ZNF568: variants seen among roughly 807,000 people sequenced by gnomAD.
ZNF568 encodes the protein zinc finger protein 568, also known as p53 inhibitor of SCO2 activation.
A neutral mutation model predicts 18.1 loss-of-function variants in ZNF568; 11 were observed. That is an observed-to-expected ratio of 0.61 (90% confidence interval 0.38 to 1.00). The LOEUF is 1.00. Among genes scored for constraint, ZNF568 ranks in the 50% least tolerant of loss-of-function variants. ZNF568 has a pLI of 0.01. For missense variants in ZNF568, 639 were observed against 768.2 expected (o/e 0.83, Z 1.99); for synonymous variants, 213 against 246.6 (o/e 0.86, Z 1.28).
At chr19:36,932,260 C>T (rs1373745825) in intron 4 of ZNF568, among the ~76,000 whole-genome samples, 1 of 152,160 alleles carries the variant, frequency 6.6e-6, no homozygotes, top group Non-Finnish European at 1.5e-5. Flanking sequence ...ATTGCTAGAT[C>T]ATATGGCAAC....
At chr19:36,991,168 G>T in intron 2 of ZNF568, 2 of 1,524,786 alleles carry the variant, frequency 1.3e-6, no homozygotes, top group East Asian at 2.5e-5. Flanking sequence ...ATTTATTTTT[G>T]GTTTCAGGGC....
At chr19:36,925,033 G>A (rs772453040) in intron 3 of ZNF568, among the ~76,000 whole-genome samples, 167 bp from the exon 4 acceptor site, 4 of 151,990 alleles carry the variant, frequency 2.6e-5, no homozygotes, top group Non-Finnish European at 4.4e-5. Context: ...GATTAAATTA[G>A]CCATCTGTGT....
chr19:36,976,984 T>A lies in ZNF568; in HGVS notation c.406-2020T>A, dbSNP rs1192503796. On this transcript the variant is annotated intron_variant, in intron 7 of 7. Coordinates refer to the ZNF568 transcript ENST00000427117. ...CTTCCTTTGCCCACTTGTCAAAGAA[T>A]GCTATTTTTTAATTTATTTTAAACA... Among the ~76,000 whole-genome samples the A allele has an allele frequency of 3.9e-5, 6 of 152,232 alleles. No homozygotes were observed. The East Asian group carries it at 7.7e-4, about 20-fold the overall frequency.
At chr19:36,983,409 C>T (rs183537523), downstream of ZNF568, among the ~76,000 whole-genome samples, 1 of 152,334 alleles carries the variant, frequency 6.6e-6, no homozygotes, top group Non-Finnish European at 1.5e-5. Context: ...TTACTACCCG[C>T]ATCCTCCCCC....
At chr19:36,927,128 T>C (rs1186055834) in intron 4 of ZNF568, among the ~76,000 whole-genome samples, 1 of 152,228 alleles carries the variant, frequency 6.6e-6, no homozygotes, top group Non-Finnish European at 1.5e-5. Context: ...TTATTTATTT[T>C]TTGTTGTATA....
chr19:36,958,612 C>CTTT (rs2074124582), intron 6 of ZNF568, among the ~76,000 whole-genome samples: 1 of 84,500 alleles, frequency 1.2e-5, no homozygotes, highest in Non-Finnish European at 2.5e-5. Context: ...TTTTCTTTTT[C>CTTT]TTTCTTTTTT....
downstream of ZNF568, among the ~76,000 whole-genome samples, chr19:36,955,935 G>T: frequency 6.6e-6 from 1 of 152,142 alleles, no homozygotes; most frequent in Non-Finnish European, 1.5e-5. Context: ...TAGAGTAAAG[G>T]TTGGGGATGG....
chr19:36,943,828 C>G (rs1489372397), intron 6 of ZNF568, among the ~76,000 whole-genome samples: 1 of 152,050 alleles, frequency 6.6e-6, no homozygotes, highest in Non-Finnish European at 1.5e-5. Flanking sequence ...CCGCTTTGGC[C>G]TCACAAAGTG....
At chr19:36,991,811 T>C (rs747660581) in exon 4 of ZNF568, 68 of 1,580,572 alleles carry the variant, frequency 4.3e-5, no homozygotes, top group Non-Finnish European at 5.7e-5. Context: ...GAGCCCTGGA[T>C]GGTTAAGAGG....
intron 4 of ZNF568, among the ~76,000 whole-genome samples, chr19:36,933,314 CATTT>C (rs2073720299): frequency 6.6e-6 from 1 of 152,032 alleles, no homozygotes; most frequent in East Asian, 1.9e-4. Context: ...TTTTTATCAC[CATTT>C]ATTATGATGT....
At chr19:36,956,924 C>CATTGAATCATTTTGATTCATG (rs1437927900), downstream of ZNF568, among the ~76,000 whole-genome samples, 1 of 152,046 alleles carries the variant, frequency 6.6e-6, no homozygotes, top group Non-Finnish European at 1.5e-5. Flanking sequence ...TCATTTGAAA[C>CATTGAATCATTTTGATTCATG]TAATAAACTC....
intron 3 of ZNF568, chr19:36,991,714 C>G: frequency 6.7e-7 from 1 of 1,493,906 alleles, no homozygotes; most frequent in Non-Finnish European, 8.9e-7. Context: ...AATTCTGACA[C>G]CCACAACAAA....
At chr19:36,997,905 G>A, downstream of ZNF568, 1 of 326,254 alleles carries the variant, frequency 3.1e-6, no homozygotes, top group Admixed American at 4.6e-5. Context: ...CTCCATGAAT[G>A]TAAAGAAAGT....
downstream of ZNF568, among the ~76,000 whole-genome samples, chr19:36,982,722 A>C (rs760614471): frequency 6.6e-6 from 1 of 152,188 alleles, no homozygotes; most frequent in South Asian, 2.1e-4. Context: ...GAAAAAGAAA[A>C]GAAAAGAAAT....
intron 6 of ZNF568, chr19:36,973,650 C>G (rs1016523912): frequency 6.5e-6 from 1 of 153,048 alleles, no homozygotes. Flanking sequence ...CTCCCCGGAC[C>G]TGGATTGTGG....
chr19:36,951,204 C>CCTG lies in ZNF568; in HGVS notation c.*116_*117insCTG. On this transcript the variant is annotated 3_prime_UTR_variant, in exon 7 of 7. Coordinates refer to ENST00000333987, the MANE Select transcript of ZNF568 (RefSeq NM_198539.4). Reference sequence around the variant, plus strand: ...TAATACTTTGTTAAAAGGTGTAAGACTGGAATAAATGGAAAGAAATACCAT... The same window carrying CCTG: ...TAATACTTTGTTAAAAGGTGTAAGACCTGTGGAATAAATGGAAAGAAATACCAT... The CCTG allele has an allele frequency of 9.7e-7, 1 of 1,032,110 alleles. No individual in the cohort carries two copies. The highest frequency in any genetic ancestry group is 1.3e-6 in the Non-Finnish European group (1 of 760,682). 63.9% of individuals were successfully genotyped at this position (1,032,110 alleles called of 1,614,324 possible).
chr19:36,920,786 A>C (rs2073440105), intron 2 of ZNF568, among the ~76,000 whole-genome samples: 1 of 97,226 alleles, frequency 1.0e-5, no homozygotes, highest in East Asian at 2.1e-4. Flanking sequence ...CTTTGCGTTC[A>C]CTCGCCACTC....
chr19:36,976,233 T>G (rs534345363), intron 7 of ZNF568: 23 of 151,040 alleles, frequency 1.5e-4, no homozygotes, highest in African/African-American at 5.4e-4. Context: ...GTCATGTGAT[T>G]TTTTTTTTTC....
At position 36,974,292 on chromosome 19, in the gene ZNF568, A is replaced by T. The variant is rs989849638; in HGVS notation, c.359-128A>T. The T allele has an allele frequency of 4.2e-6, 3 of 714,178 alleles. No individual in the cohort carries two copies. The African/African-American group carries it at 5.4e-5, about 13-fold the overall frequency. 44.2% of individuals were successfully genotyped at this position (714,178 alleles called of 1,614,324 possible). ...GCATTTCTTTGTGAGGATGACAGAG[A>T]GCGGTGGCGTTGCAGCTTCTTTGGT... On this transcript the variant is annotated intron_variant, in intron 6 of 7. Transcript: ENST00000427117.
Sources: allele counts gnomAD v4.1 joint callset (sites outside exome capture counted in the v4.1 genomes callset), GRCh38; gene constraint gnomAD v4.1.1; transcripts MANE v1.5; gene names NCBI Gene and HGNC (gene_info 2026-07-23, HGNC 2026-07-21).